Variants in LRP1B observed in about 807,000 individuals in gnomAD.
LRP1B encodes LDL receptor related protein 1B.
A neutral mutation model predicts 556.6 loss-of-function variants in LRP1B; 217 were observed. The ratio of observed to expected loss-of-function variants is 0.39; its 90% CI spans 0.35 to 0.44. The LOEUF is 0.44. LRP1B is among the 20% of genes least tolerant of loss of function. The pLI, the probability that LRP1B is intolerant of heterozygous loss-of-function variation, is 1.00. For missense variants in LRP1B, 5,053 were observed against 5,620.8 expected (o/e 0.90, Z 3.23); for synonymous variants, 2,047 against 1,865.8 (o/e 1.10, Z -2.50).
intron 63 of LRP1B, among the ~76,000 whole-genome samples, chr2:140,445,647 A>T: frequency 6.6e-6 from 1 of 152,148 alleles, no homozygotes; most frequent in Non-Finnish European, 1.5e-5. Context: ...GGATCTGAGG[A>T]TCTACTATGT....
chr2:140,825,158 G>A (rs1691459631), intron 31 of LRP1B, among the ~76,000 whole-genome samples: 2 of 152,090 alleles, frequency 1.3e-5, no homozygotes, highest in Non-Finnish European at 2.9e-5. Context: ...AGGGTTCTTG[G>A]AAAACAACAC....
intron 46 of LRP1B, 54 bp downstream of exon 46, chr2:140,536,527 G>T: frequency 6.4e-7 from 1 of 1,559,510 alleles, no homozygotes; most frequent in Non-Finnish European, 8.7e-7. Flanking sequence ...ACCAAAAACT[G>T]TAAAGAATCA....
chr2:140,855,608 G>A (rs144563015), intron 27 of LRP1B, among the ~76,000 whole-genome samples: 2 of 151,494 alleles, frequency 1.3e-5, no homozygotes, highest in African/African-American at 4.9e-5. Flanking sequence ...TGGTTTCCCT[G>A]CTACTACCAT....
chr2:141,096,219 A>G (rs951910456), intron 7 of LRP1B, among the ~76,000 whole-genome samples: 1 of 152,178 alleles, frequency 6.6e-6, no homozygotes, highest in Non-Finnish European at 1.5e-5. Flanking sequence ...AAGGCATTAC[A>G]AACACCAAAT....
intron 18 of LRP1B, among the ~76,000 whole-genome samples, chr2:140,958,255 T>A (rs72848569): frequency 0.016 from 2,357 of 151,678 alleles, 29 homozygotes; most frequent in Non-Finnish European, 0.021. Context: ...GTAGAGGCTA[T>A]AGATTGAAAT....
chr2:141,467,728 A>G (rs1682285671), intron 3 of LRP1B, among the ~76,000 whole-genome samples: 1 of 152,052 alleles, frequency 6.6e-6, no homozygotes, highest in Non-Finnish European at 1.5e-5. Context: ...GTAAATAAGA[A>G]ACAAAACTGA....
chr2:141,287,457 G>C (rs111829826), intron 3 of LRP1B, among the ~76,000 whole-genome samples: 3,418 of 151,722 alleles, frequency 0.023, 69 homozygotes, highest in Non-Finnish European at 0.036. Flanking sequence ...CGAGTAGCTG[G>C]GACTACAGGT....
intron 3 of LRP1B, among the ~76,000 whole-genome samples, chr2:141,405,804 A>G (rs1690612140): frequency 6.6e-6 from 1 of 152,124 alleles, no homozygotes; most frequent in Admixed American, 6.5e-5. Flanking sequence ...GGATAAAACC[A>G]GTTTTTAATT....
At chr2:140,755,455 G>C (rs1289440512) in intron 35 of LRP1B, among the ~76,000 whole-genome samples, 1 of 151,880 alleles carries the variant, frequency 6.6e-6, no homozygotes, top group Non-Finnish European at 1.5e-5. Flanking sequence ...ATATTAAACA[G>C]AAGTATCACC....
At chr2:140,949,614 G>A (rs1489317406) in intron 20 of LRP1B, among the ~76,000 whole-genome samples, 1 of 151,500 alleles carries the variant, frequency 6.6e-6, no homozygotes, top group Non-Finnish European at 1.5e-5. Context: ...CTTTTTCACT[G>A]TTGAAATAGT....
chr2:142,023,629 C>A (rs982162237), intron 1 of LRP1B, among the ~76,000 whole-genome samples: 1 of 152,212 alleles, frequency 6.6e-6, no homozygotes, highest in African/African-American at 2.4e-5. Context: ...GATATTACTT[C>A]TTCCAGAATC....
chr2:140,952,605 T>C (rs1695751278), intron 18 of LRP1B, among the ~76,000 whole-genome samples: 1 of 152,078 alleles, frequency 6.6e-6, no homozygotes, highest in African/African-American at 2.4e-5. Context: ...GAGACCTCCT[T>C]ACTAACCTTT....
chr2:141,639,281 A>T (rs1196895897), intron 2 of LRP1B, among the ~76,000 whole-genome samples: 3 of 129,094 alleles, frequency 2.3e-5, no homozygotes, highest in Non-Finnish European at 4.8e-5. Context: ...TCATTGCTGG[A>T]CCCAGGAGTA....
chr2:140,934,517 G>A (rs1315270979), intron 20 of LRP1B, among the ~76,000 whole-genome samples: 4 of 152,058 alleles, frequency 2.6e-5, no homozygotes, highest in Non-Finnish European at 1.5e-5. Flanking sequence ...AGCCTTAGAT[G>A]GTAAATTGTA....
intron 2 of LRP1B, among the ~76,000 whole-genome samples, chr2:141,743,486 C>CTTTTTTTTTTTTTCTT (rs1693787238): frequency 1.9e-5 from 2 of 108,036 alleles, no homozygotes; most frequent in Non-Finnish European, 3.6e-5. Flanking sequence ...CTGCTTTTTT[C>CTTTTTTTTTTTTTCTT]TTTTTTTTTT....
chr2:141,829,758 T>G (rs1697053846), intron 1 of LRP1B, among the ~76,000 whole-genome samples: 2 of 152,036 alleles, frequency 1.3e-5, no homozygotes, highest in Non-Finnish European at 2.9e-5. Flanking sequence ...AATCTTCTTT[T>G]TTACTTAGCT....
chr2:141,481,639 A>G (rs1457312368), intron 2 of LRP1B, among the ~76,000 whole-genome samples: 1 of 152,226 alleles, frequency 6.6e-6, no homozygotes, highest in African/African-American at 2.4e-5. Context: ...CAAAGCGCTG[A>G]GCACTGCGAT....
intron 66 of LRP1B, among the ~76,000 whole-genome samples, chr2:140,405,648 A>G (rs1408487699): frequency 6.6e-6 from 1 of 152,200 alleles, no homozygotes; most frequent in East Asian, 1.9e-4. Flanking sequence ...AGATTAAATC[A>G]GGAAGAAATA....
chr2:140,452,896 C>T (rs745804218), intron 62 of LRP1B, among the ~76,000 whole-genome samples: 2 of 149,808 alleles, frequency 1.3e-5, no homozygotes, highest in African/African-American at 2.5e-5. Flanking sequence ...AATGGGAGAT[C>T]TAACCATTCA....
Sources: allele counts gnomAD v4.1 joint callset (sites outside exome capture counted in the v4.1 genomes callset), GRCh38; gene constraint gnomAD v4.1.1; transcripts MANE v1.5; gene names NCBI Gene and HGNC (gene_info 2026-07-23, HGNC 2026-07-21).